The following GSE1 variants were observed in gnomAD, a reference collection of about 807,000 sequenced individuals.
GSE1 encodes the protein Gse1 coiled-coil protein.
A neutral mutation model predicts 112.6 loss-of-function variants in GSE1; 32 were observed. That is an observed-to-expected ratio of 0.28 (90% CI 0.21 to 0.38). GSE1 has a LOEUF of 0.38. GSE1 is among the 10% of genes least tolerant of loss of function. The pLI, the probability that GSE1 is intolerant of heterozygous loss-of-function variation, is 1.00. For synonymous variants in GSE1, 1,115 were observed against 735.6 expected, an observed-to-expected ratio of 1.52 and a Z score of -8.35; for missense variants, 2,348 against 1,699.2, an observed-to-expected ratio of 1.38 and a Z score of -6.71.
chr16:85,652,532 C>T (rs1184914473), intron 3 of GSE1, among the ~76,000 whole-genome samples: 3 of 149,922 alleles, frequency 2.0e-5, no homozygotes, highest in Non-Finnish European at 3.0e-5. Flanking sequence ...TGCTGCCTCT[C>T]ATTGAAGATT....
rs71151278 is a variant in GSE1, at chr16:85,331,323, C to CTGTG, written c.2284-26100_2284-26097dup. Among the ~76,000 whole-genome samples the CTGTG allele has an allele frequency of 1.3e-3, 107 of 84,516 alleles. 9 individuals carry two copies. The highest frequency in any genetic ancestry group is 2.3e-3 in the African/African-American group (53 of 23,018). The allele number at this position is 84,516 out of a possible 152,430, so 55.4% of individuals were successfully genotyped here. A position where few individuals can be genotyped will look rare whatever the true frequency, so the allele number is the denominator to read the frequency against. ...ACATGCCACCATGCCCAGCTAATTT[C>CTGTG]TGTGTGTGTGTGTGTGTGTGTGTGT... On this transcript the variant is annotated intron_variant, in intron 1 of 2. Transcript: ENST00000637419.
At chr16:85,171,643 C>T (rs2074360272) in exon 1 of GSE1, 3 of 985,458 alleles carry the variant, frequency 3.0e-6, no homozygotes, top group South Asian at 9.4e-5. Context: ...CCGGCTGCCC[C>T]TGTTCCTATA....
intron 1 of GSE1, among the ~76,000 whole-genome samples, chr16:85,270,280 C>T (rs1211987267): frequency 6.7e-6 from 1 of 149,052 alleles, no homozygotes; most frequent in Non-Finnish European, 1.5e-5. Context: ...CCAGCACATG[C>T]CTCTCTGTTG....
In GSE1 at chr16:85,373,363, G is replaced by A. The variant is rs1241137799; in HGVS notation, c.2464+15720G>A. The stretch of plus-strand genomic sequence containing the variant: ...TCTATCATGGGCTGTTTGTTTGGGT[G>A]TCTCTGGTGTCTTCTCTTGTCAAAC... On this transcript the variant is annotated intron_variant, in intron 2 of 2. Coordinates refer to the GSE1 transcript ENST00000637419. This position sits in a 1 kb window ranked among gnomAD's most constrained non-coding sequence, Gnocchi z 5.1. Among the ~76,000 whole-genome samples the A allele has an allele frequency of 6.6e-6, 1 of 152,212 alleles. No homozygotes were observed. The highest frequency in any genetic ancestry group is 2.4e-5 in the African/African-American group (1 of 41,460).
intron 2 of GSE1, among the ~76,000 whole-genome samples, chr16:85,412,711 C>T (rs1306329814): frequency 6.7e-6 from 1 of 148,730 alleles, no homozygotes; most frequent in African/African-American, 2.5e-5. Context: ...CTGGATAATC[C>T]TCACTGTTAC....
chr16:85,634,958 G>GC (rs1052291794), intron 2 of GSE1, among the ~76,000 whole-genome samples: 2 of 152,110 alleles, frequency 1.3e-5, no homozygotes, highest in Admixed American at 6.6e-5. Context: ...CAGGCGGGGG[G>GC]GCTGAGGAAA....
At chr16:85,330,625 G>T (rs556019989) in intron 1 of GSE1, among the ~76,000 whole-genome samples, 1 of 152,230 alleles carries the variant, frequency 6.6e-6, no homozygotes, top group Non-Finnish European at 1.5e-5. Context: ...TCCAGGAAGC[G>T]TGCAGGTGGG....
chr16:85,244,946 G>A (rs930611331), intron 1 of GSE1, among the ~76,000 whole-genome samples: 2 of 150,408 alleles, frequency 1.3e-5, no homozygotes, highest in Admixed American at 6.6e-5. Flanking sequence ...AGCTGAGATC[G>A]TGCCACTGTA....
chr16:85,481,471 A>G (rs1453108969), intron 2 of GSE1, among the ~76,000 whole-genome samples: 2 of 152,182 alleles, frequency 1.3e-5, no homozygotes, highest in Non-Finnish European at 2.9e-5. Context: ...AATCCATGTA[A>G]GAGGAACCTT....
At chr16:85,246,012 C>CGT (rs562495577) in intron 1 of GSE1, among the ~76,000 whole-genome samples, 33 of 148,978 alleles carry the variant, frequency 2.2e-4, no homozygotes, top group Non-Finnish European at 4.8e-4. Flanking sequence ...GGGGTGTGTG[C>CGT]GTGTGTGTGT....
At chr16:85,501,009 T>TG (rs1216388415) in intron 2 of GSE1, among the ~76,000 whole-genome samples, 1 of 134,282 alleles carries the variant, frequency 7.4e-6, no homozygotes, top group Non-Finnish European at 1.6e-5. Flanking sequence ...TTTTTTTTTT[T>TG]TTTTTTTTTT....
rs145823932 is a variant in GSE1 at position 85,453,056 on chromosome 16, T to C, written c.2464+95413T>C. ...CCAGGGCGGAGGGACACCAGGATTT[T>C]GTGTGATCTTGGATAGATGAGTCAC... On this transcript the variant is annotated intron_variant, in intron 2 of 2. Transcript: ENST00000637419. Among the ~76,000 whole-genome samples, 546 of 152,340 alleles carry C rather than the reference T, an allele frequency of 3.6e-3. 1 individual carries two copies. Among genetic ancestry groups the C allele is most frequent in the Non-Finnish European group, 5.7e-3 (389 of 68,034 alleles).
chr16:85,279,807 C>T (rs1416579443), intron 1 of GSE1, among the ~76,000 whole-genome samples: 1 of 152,154 alleles, frequency 6.6e-6, no homozygotes, highest in East Asian at 1.9e-4. Flanking sequence ...TCAGGACTGT[C>T]TGTCCCTCCC....
chr16:85,320,258 G>A (rs1259540681), intron 1 of GSE1, among the ~76,000 whole-genome samples: 3 of 152,174 alleles, frequency 2.0e-5, no homozygotes, highest in Non-Finnish European at 4.4e-5. Context: ...AGTGGGCGGC[G>A]CATGAGTTAG....
chr16:85,536,638 G>A (rs75175756), intron 2 of GSE1, among the ~76,000 whole-genome samples: 9,036 of 152,330 alleles, frequency 0.059, 341 homozygotes, highest in Middle Eastern at 0.16. Flanking sequence ...GCGAGGCCAC[G>A]GGCCCTGCAT....
At chr16:85,670,527 A>C (rs1275507845) in intron 14 of GSE1, 1 of 152,296 alleles carries the variant, frequency 6.6e-6, no homozygotes, top group African/African-American at 2.4e-5. Context: ...CATTTGCTGA[A>C]ACACTGTGTA....
intron 11 of GSE1, chr16:85,664,796 G>C (rs528471537): frequency 1.9e-6 from 1 of 513,360 alleles, no homozygotes; most frequent in East Asian, 3.2e-5. Context: ...GCTGTCTTTG[G>C]AGCACGTCTA....
chr16:85,647,349 C>T (rs1287020024), intron 2 of GSE1, among the ~76,000 whole-genome samples: 6 of 152,302 alleles, frequency 3.9e-5, no homozygotes, highest in South Asian at 2.1e-4. Flanking sequence ...AGGCGACGGG[C>T]GAGTTCCGGG....
chr16:85,472,376 T>G (rs952221524), intron 2 of GSE1, among the ~76,000 whole-genome samples: 2 of 152,190 alleles, frequency 1.3e-5, no homozygotes, highest in Non-Finnish European at 2.9e-5. Context: ...GTTCCTTGGC[T>G]TCTGGCCACA....
Sources: gnomAD v4.1 joint callset for allele counts (sites outside exome capture counted in the v4.1 genomes callset) on GRCh38, gnomAD v4.1.1 for gene constraint, Gnocchi (gnomAD v3.1) non-coding constraint, MANE v1.5 for transcripts, NCBI Gene and HGNC (gene_info 2026-07-23, HGNC 2026-07-21) for gene names.